The following SGSM2 variants were observed in gnomAD, a reference collection of about 807,000 sequenced individuals.
SGSM2 encodes small G protein signaling modulator 2.
Under a neutral mutation model 126.6 loss-of-function variants are expected in SGSM2, and 89 were observed. The ratio of observed to expected loss-of-function variants is 0.70; its 90% CI spans 0.59 to 0.84. SGSM2 has a LOEUF of 0.84. Among genes scored for constraint, SGSM2 ranks in the 40% least tolerant of loss-of-function variants. SGSM2 has a pLI of 0.00. For synonymous variants in SGSM2, 614 were observed against 574.3 expected (o/e 1.07, Z -0.99); for missense variants, 1,404 against 1,416.6 (o/e 0.99, Z 0.14).
In SGSM2 at chr17:2,372,683, C is replaced by A; in HGVS notation, c.1788+195C>A. On this transcript the variant is annotated intron_variant, in intron 15 of 23. Transcript: ENST00000268989. The surrounding 1 kb of genome is among the most constrained non-coding windows in gnomAD (Gnocchi z 6.0). Reference sequence around the variant, plus strand: ...GAAGGGGGCTGGACTGGGAAGCCGTCCTGCCTCCACATCGCCCTGTGACCC... The same window carrying A: ...GAAGGGGGCTGGACTGGGAAGCCGTACTGCCTCCACATCGCCCTGTGACCC... 1.2e-6 allele frequency: 1 copy of A among 857,380 alleles called. No homozygotes were observed. Among genetic ancestry groups the A allele is most frequent in the South Asian group, 1.7e-5 (1 of 59,856 alleles). The allele number at this position is 857,380 out of a possible 1,614,324, so 53.1% of individuals were successfully genotyped here.
intron 22 of SGSM2, among the ~76,000 whole-genome samples, chr17:2,378,473 GTGAGC>G (rs2066278495): frequency 6.6e-6 from 1 of 151,646 alleles, no homozygotes; most frequent in African/African-American, 2.4e-5. Context: ...CAAGGTTATG[GTGAGC>G]TGAGATTGTG....
intron 2 of SGSM2, among the ~76,000 whole-genome samples, chr17:2,353,778 C>T (rs1483275028): frequency 1.4e-5 from 2 of 147,932 alleles, no homozygotes; most frequent in African/African-American, 5.0e-5. Flanking sequence ...AAAAAAAAAG[C>T]GTGCAGTGAA....
intron 1 of SGSM2, among the ~76,000 whole-genome samples, chr17:2,338,104 G>A (rs2064167891): frequency 6.6e-6 from 1 of 152,080 alleles, no homozygotes; most frequent in South Asian, 2.1e-4. Context: ...AGGGGGCGGG[G>A]CCCCGCGCGA....
chr17:2,346,927 A>C (rs1264402933), intron 2 of SGSM2, among the ~76,000 whole-genome samples: 1 of 152,050 alleles, frequency 6.6e-6, no homozygotes, highest in African/African-American at 2.4e-5. Flanking sequence ...AGTCTCTACA[A>C]AAAAATAAAT....
At chr17:2,369,483 A>T (rs551359003) in intron 12 of SGSM2, among the ~76,000 whole-genome samples, 5 of 150,368 alleles carry the variant, frequency 3.3e-5, no homozygotes, top group Admixed American at 3.3e-4. Context: ...GACCCAGCAG[A>T]CCCCCCTCCC....
chr17:2,371,135 A>G (rs752178083), intron 12 of SGSM2, 127 bp from the exon 13 acceptor site: 3 of 1,080,296 alleles, frequency 2.8e-6, no homozygotes, highest in Non-Finnish European at 3.8e-6. Context: ...GGCAGGCCCC[A>G]CCTCTGTGAT....
At chr17:2,359,081 G>A (rs1032966052) in intron 2 of SGSM2, among the ~76,000 whole-genome samples, 1 of 152,002 alleles carries the variant, frequency 6.6e-6, no homozygotes, top group African/African-American at 2.4e-5. Flanking sequence ...ATTTCACCGT[G>A]TTAGCCAGGA....
In SGSM2 at chr17:2,372,502, G is replaced by A; in HGVS notation, c.1788+14G>A. On this transcript the variant is annotated intron_variant, in intron 15 of 23. Coordinates refer to ENST00000268989, the MANE Select transcript of SGSM2 (RefSeq NM_014853.3). This position sits in a 1 kb window ranked among gnomAD's most constrained non-coding sequence, Gnocchi z 6.0. ...AAGGACAAAAAGGTGCCAACCCTGG[G>A]GTTCCAGGGCCACAGGTCGAGGGGC... The A allele has an allele frequency of 6.3e-7, 1 of 1,595,836 alleles. No homozygotes were observed. Among genetic ancestry groups the A allele is most frequent in the Non-Finnish European group, 8.5e-7 (1 of 1,174,976 alleles).
chr17:2,377,190 A>T, intron 21 of SGSM2, 122 bp downstream of exon 21: 1 of 672,006 alleles, frequency 1.5e-6, no homozygotes, highest in Non-Finnish European at 2.5e-6. Context: ...TTTCATTTTA[A>T]AAGACATGGT....
intron 1 of SGSM2, among the ~76,000 whole-genome samples, chr17:2,341,079 G>T (rs1321056883): frequency 6.6e-6 from 1 of 152,098 alleles, no homozygotes; most frequent in African/African-American, 2.4e-5. Context: ...ATTATCCTCT[G>T]TTGAATGCTA....
In SGSM2 at chr17:2,372,406, G is replaced by A; in HGVS notation, c.1706G>A (p.Ser569Asn). The change falls in exon 15 of 24, where the codon AGC (serine) becomes AAC (asparagine). Residue 569 changes from serine (S) to asparagine (N), a missense_variant. Transcript: ENST00000268989. The surrounding 1 kb of genome is among the most constrained non-coding windows in gnomAD (Gnocchi z 6.0). ...CACCTGTCGGCGCTGGTGCACCATA[G>A]CGTTATCCCACCTGACCGGCCCCCG... ...RTHLSALVHH[S>N]VIPPDRPPGA... 1 of 1,597,254 alleles carries A rather than the reference G, an allele frequency of 6.3e-7. No individual in the cohort carries two copies. The highest frequency in any genetic ancestry group is 8.5e-7 in the Non-Finnish European group (1 of 1,174,068).
rs761766123 is a variant in SGSM2, at chr17:2,361,716, G to A, written c.213G>A (p.Leu71=). The change falls in exon 3 of 24, where the codon CTG becomes CTA. Residue 71 remains leucine (L), a synonymous_variant. Transcript: ENST00000268989. Reference sequence around the variant, plus strand: ...TGCGCAGTGACAAGATGGCAGCCCTGTTCACCAAGGTGGGGAAGACGTGCC... The same window carrying A: ...TGCGCAGTGACAAGATGGCAGCCCTATTCACCAAGGTGGGGAAGACGTGCC... The part of the protein sequence containing the change: ...GFLRSDKMAA[L]FTKVGKTCPV... 1.7e-5 allele frequency: 27 copies of A among 1,613,836 alleles called. No individual in the cohort carries two copies. In the Admixed American group the frequency reaches 2.5e-4, roughly 15 times the overall value.
chr17:2,352,917 A>G (rs2064927026), intron 2 of SGSM2, among the ~76,000 whole-genome samples: 1 of 142,038 alleles, frequency 7.0e-6, no homozygotes, highest in Admixed American at 6.9e-5. Context: ...AGCTGGGACT[A>G]CAGGCGTCCG....
At position 2,361,907 on chromosome 17, in the gene SGSM2, G is replaced by A. The variant is rs535025592; in HGVS notation, c.296+108G>A. 1.1e-5 allele frequency: 15 copies of A among 1,402,694 alleles called. No individual in the cohort carries two copies. The East Asian group carries it at 3.5e-4, about 33-fold the overall frequency. 86.9% of individuals were successfully genotyped at this position (1,402,694 alleles called of 1,614,324 possible). ...AGTTGGCATCCTGGGCCTGTTCCTT[G>A]CAGGGCCTCTGGGTGAGGGATCAGC... On this transcript the variant is annotated intron_variant, in intron 3 of 23. Coordinates refer to ENST00000268989, the MANE Select transcript of SGSM2 (RefSeq NM_014853.3).
Position 2,361,514 on chromosome 17 carries a change from C to G in SGSM2, c.134-123C>G, listed in dbSNP as rs774423424. On this transcript the variant is annotated intron_variant, in intron 2 of 23. Transcript: ENST00000268989. ...GAATTTTGGAAGGAAGCCAGGGTATCTCCCTGGCCTGCCCTTGGCTTGCCC... is the reference window on the plus strand; with the variant it reads ...GAATTTTGGAAGGAAGCCAGGGTATGTCCCTGGCCTGCCCTTGGCTTGCCC... 4 of 1,223,514 alleles carry G rather than the reference C, an allele frequency of 3.3e-6. No homozygotes were observed. The East Asian group carries it at 7.6e-5, about 23-fold the overall frequency. The allele number at this position is 1,223,514 out of a possible 1,614,324, so 75.8% of individuals were successfully genotyped here. A position where few individuals can be genotyped will look rare whatever the true frequency, so the allele number is the denominator to read the frequency against.
intron 2 of SGSM2, among the ~76,000 whole-genome samples, chr17:2,347,238 TG>T (rs1406440305): frequency 6.6e-6 from 1 of 152,122 alleles, no homozygotes; most frequent in Non-Finnish European, 1.5e-5. Context: ...CCTGAGTAGC[TG>T]GGATTACAGG....
At chr17:2,344,350 A>AC in intron 2 of SGSM2, among the ~76,000 whole-genome samples, 1 of 151,482 alleles carries the variant, frequency 6.6e-6, no homozygotes, top group Non-Finnish European at 1.5e-5. Flanking sequence ...CTTCCTCTCA[A>AC]CCCCCCATCT....
rs781099917 is a variant in SGSM2 at position 2,379,544 on chromosome 17, G to A, written c.*24G>A. The stretch of plus-strand genomic sequence containing the variant: ...GAGCTGGGGCCAGGAGGCAGCAGCC[G>A]TGCAGAGCCTGGGCTCCGGCAGGGA... On this transcript the variant is annotated 3_prime_UTR_variant, in exon 24 of 24. Transcript: ENST00000268989. 69 of 1,603,048 alleles carry A rather than the reference G, an allele frequency of 4.3e-5. No individual in the cohort carries two copies. Among genetic ancestry groups the A allele is most frequent in the South Asian group, 2.0e-4 (18 of 90,650 alleles).
At chr17:2,358,756 C>A (rs1269646776) in intron 2 of SGSM2, among the ~76,000 whole-genome samples, 1 of 151,960 alleles carries the variant, frequency 6.6e-6, no homozygotes, top group Non-Finnish European at 1.5e-5. Context: ...AAGCTGAGAA[C>A]CACAGACCTA....
Sources: allele counts gnomAD v4.1 joint callset (sites outside exome capture counted in the v4.1 genomes callset), GRCh38; gene constraint gnomAD v4.1.1; non-coding constraint Gnocchi (gnomAD v3.1); transcripts MANE v1.5; gene names NCBI Gene and HGNC (gene_info 2026-07-23, HGNC 2026-07-21).